Variants in GTSE1 observed in about 807,000 individuals in gnomAD.
The protein encoded by GTSE1 is G2 and S phase-expressed protein 1.
GTSE1 carries 52 observed loss-of-function variants against 60.5 expected under a neutral mutation model. The ratio of observed to expected loss-of-function variants is 0.86; its 90% CI spans 0.69 to 1.08. GTSE1 has a LOEUF of 1.08. GTSE1 is among the 50% of genes least tolerant of loss of function. The pLI is 0.00. For missense variants in GTSE1, 937 were observed against 961.8 expected, an observed-to-expected ratio of 0.97 and a Z score of 0.34; for synonymous variants, 368 against 386.5, an observed-to-expected ratio of 0.95 and a Z score of 0.56.
In GTSE1 at chr22:46,316,997, T is replaced by G. The variant is rs2077785137; in HGVS notation, c.1432+585T>G. On this transcript the variant is annotated intron_variant, in intron 7 of 11. Transcript: ENST00000454366. This position sits in a 1 kb window ranked among gnomAD's most constrained non-coding sequence, Gnocchi z 5.0. ...TGTTTTTTGAGACGGAGTCTCGCTCTGTCACCCAGGGTGGAATGCAGTGGC... is the reference window on the plus strand; with the variant it reads ...TGTTTTTTGAGACGGAGTCTCGCTCGGTCACCCAGGGTGGAATGCAGTGGC... Among the ~76,000 whole-genome samples the G allele has an allele frequency of 6.6e-6, 1 of 152,198 alleles. No individual in the cohort carries two copies. Among genetic ancestry groups the G allele is most frequent in the African/African-American group, 2.4e-5 (1 of 41,450 alleles).
chr22:46,325,684 C>T (rs2077839644), intron 8 of GTSE1, among the ~76,000 whole-genome samples: 1 of 152,246 alleles, frequency 6.6e-6, no homozygotes, highest in Non-Finnish European at 1.5e-5. Flanking sequence ...GATCCCATTC[C>T]TGAGGCTTTG....
At chr22:46,301,918 C>T (rs904970896) in intron 2 of GTSE1, among the ~76,000 whole-genome samples, 5 of 152,124 alleles carry the variant, frequency 3.3e-5, no homozygotes, top group Non-Finnish European at 7.4e-5. Flanking sequence ...CACCTGAGAT[C>T]GGGAGTTCCA....
intron 9 of GTSE1, among the ~76,000 whole-genome samples, chr22:46,327,815 T>A (rs539222958): frequency 9.2e-5 from 14 of 152,366 alleles, no homozygotes; most frequent in African/African-American, 3.1e-4. Context: ...TATGTAGTTC[T>A]ATGATAATGC....
Position 46,329,928 on chromosome 22 carries a change from A to T in GTSE1, c.2137-119A>T. Reference sequence around the variant, plus strand: ...GGTGGCCCAGAGTGCTTTTCAGTGCACCCGAGCCAGGATGAGCGAGTGGCT... The same window carrying T: ...GGTGGCCCAGAGTGCTTTTCAGTGCTCCCGAGCCAGGATGAGCGAGTGGCT... On this transcript the variant is annotated intron_variant, in intron 11 of 11. Coordinates refer to ENST00000454366, the MANE Select transcript of GTSE1 (RefSeq NM_016426.7). This position sits in a 1 kb window ranked among gnomAD's most constrained non-coding sequence, Gnocchi z 6.4. 1 of 695,884 alleles carries T rather than the reference A, an allele frequency of 1.4e-6. No individual in the cohort carries two copies. The highest frequency in any genetic ancestry group is 1.6e-5 in the South Asian group (1 of 62,506). The allele number at this position is 695,884 out of a possible 1,614,324, so 43.1% of individuals were successfully genotyped here.
In GTSE1 at chr22:46,310,313, TGAG is replaced by T. The variant is rs377066363; in HGVS notation, c.762+1374_762+1376del. On this transcript the variant is annotated intron_variant, in intron 4 of 11. Coordinates refer to ENST00000454366, the MANE Select transcript of GTSE1 (RefSeq NM_016426.7). The surrounding 1 kb of genome is among the most constrained non-coding windows in gnomAD (Gnocchi z 4.4). ...TTGAGGATGAGGATGTTGTGGAGGA[TGAG>T]GAGAAGGCTGAGGATGTGGAGAAGC... is the stretch of plus-strand genomic sequence containing the variant. Among the ~76,000 whole-genome samples the T allele has an allele frequency of 6.6e-6, 1 of 152,076 alleles. No individual in the cohort carries two copies. The highest frequency in any genetic ancestry group is 1.5e-5 in the Non-Finnish European group (1 of 68,004).
chr22:46,329,990 G>A lies in GTSE1; in HGVS notation c.2137-57G>A. On this transcript the variant is annotated intron_variant, in intron 11 of 11. Transcript: ENST00000454366. This position sits in a 1 kb window ranked among gnomAD's most constrained non-coding sequence, Gnocchi z 6.4. ...CGCAGCCAGTCCTCTGTGCAGGGAG[G>A]GGAAGGGAGGCCCTAGCCGGATCCA... 2 of 1,037,192 alleles carry A rather than the reference G, an allele frequency of 1.9e-6. No individual in the cohort carries two copies. Among genetic ancestry groups the A allele is most frequent in the Admixed American group, 1.7e-5 (1 of 58,920 alleles). The allele number at this position is 1,037,192 out of a possible 1,614,324, so 64.2% of individuals were successfully genotyped here. A position where few individuals can be genotyped will look rare whatever the true frequency, so the allele number is the denominator to read the frequency against.
rs778945390 is a variant in GTSE1 at position 46,312,302 on chromosome 22, C to T, written c.924C>T (p.Asn308=). The T allele has an allele frequency of 5.6e-6, 9 of 1,609,434 alleles. No individual in the cohort carries two copies. Among genetic ancestry groups the T allele is most frequent in the African/African-American group, 1.3e-5 (1 of 74,712 alleles). The change falls in exon 5 of 12, where the codon AAC becomes AAT. Residue 308 remains asparagine, a synonymous_variant. Transcript: ENST00000454366. ...GCAAGCGGGCGATCCCTGTTCCAAACAAGGTGAGTTGGCTGCTGGGGCCCA... is the reference window on the plus strand; with the variant it reads ...GCAAGCGGGCGATCCCTGTTCCAAATAAGGTGAGTTGGCTGCTGGGGCCCA... ...GQGKRAIPVP[N]KLGLKKTLLK... is the part of the protein sequence containing the mutation.
rs1207632094 is a variant in GTSE1 at position 46,318,669 on chromosome 22, C to A, written c.1432+2257C>A. On this transcript the variant is annotated intron_variant, in intron 7 of 11. Coordinates refer to ENST00000454366, the MANE Select transcript of GTSE1 (RefSeq NM_016426.7). This position sits in a 1 kb window ranked among gnomAD's most constrained non-coding sequence, Gnocchi z 4.8. ...GTAGGAAAGTGCAAGGGGGAGCACTCCAGGCAGAGGCAACGGCAGGAGTGC... is the reference window on the plus strand; with the variant it reads ...GTAGGAAAGTGCAAGGGGGAGCACTACAGGCAGAGGCAACGGCAGGAGTGC... Among the ~76,000 whole-genome samples the A allele has an allele frequency of 6.6e-6, 1 of 152,114 alleles. No homozygotes were observed. Among genetic ancestry groups the A allele is most frequent in the African/African-American group, 2.4e-5 (1 of 41,426 alleles).
chr22:46,313,908 C>G lies in GTSE1; in HGVS notation c.946C>G (p.Leu316Val). The change falls in exon 6 of 12, where the codon CTG becomes GTG. Residue 316 changes from leucine (L) to valine (V), a missense_variant. Leu to Val is a conservative substitution (Grantham distance 32). Coordinates refer to ENST00000454366, the MANE Select transcript of GTSE1 (RefSeq NM_016426.7). The surrounding 1 kb of genome is among the most constrained non-coding windows in gnomAD (Gnocchi z 4.4). Reference sequence around the variant, plus strand: ...GCCCCAGTTGGGGCTGAAGAAGACCCTGTTAAAAGCACCCGGCTCTACCAG... The same window carrying G: ...GCCCCAGTTGGGGCTGAAGAAGACCGTGTTAAAAGCACCCGGCTCTACCAG... ...VPNKLGLKKT[L>V]LKAPGSTSNL... 1.2e-6 allele frequency: 2 copies of G among 1,614,186 alleles called. No homozygotes were observed. Among genetic ancestry groups the G allele is most frequent in the Non-Finnish European group, 1.7e-6 (2 of 1,180,012 alleles).
chr22:46,315,455 A>G (rs753643523), intron 6 of GTSE1, among the ~76,000 whole-genome samples: 30 of 151,852 alleles, frequency 2.0e-4, no homozygotes, highest in Non-Finnish European at 3.4e-4. Context: ...TGGCCTCCCA[A>G]AGTGTTTGGA....
chr22:46,326,399 T>C, intron 8 of GTSE1, 37 bp from the exon 9 acceptor site: 2 of 1,494,924 alleles, frequency 1.3e-6, no homozygotes, highest in Non-Finnish European at 9.2e-7. Context: ...TTTTTCTATG[T>C]CATCTCAGCT....
In GTSE1 at chr22:46,316,221, C is replaced by G. The variant is rs779428436; in HGVS notation, c.1241C>G (p.Pro414Arg). 8 of 1,613,832 alleles carry G rather than the reference C, an allele frequency of 5.0e-6. No homozygotes were observed. The Admixed American group carries it at 8.3e-5, about 17-fold the overall frequency. The change falls in exon 7 of 12, where the codon CCC (proline) becomes CGC (arginine). Residue 414 changes from proline (P) to arginine (R), a missense_variant. Coordinates refer to ENST00000454366, the MANE Select transcript of GTSE1 (RefSeq NM_016426.7). This position sits in a 1 kb window ranked among gnomAD's most constrained non-coding sequence, Gnocchi z 5.0. ...ELAAEQLTAP[P>R]SASPTQPQTP... ...GCAGCGGAGCAGCTCACGGCACCCC[C>G]CTCAGCATCCCCCACCCAACCCCAG...
Position 46,313,995 on chromosome 22 carries a change from T to C in GTSE1, c.1033T>C (p.Ser345Pro). The change falls in exon 6 of 12, where the codon TCC becomes CCC. Residue 345 changes from serine to proline, a missense_variant. Ser to Pro is a moderately conservative substitution (Grantham distance 74, BLOSUM62 -1). Transcript: ENST00000454366. The surrounding 1 kb of genome is among the most constrained non-coding windows in gnomAD (Gnocchi z 4.4). ...VWSGASSACT[S>P]PAVGKAKSSE... Reference sequence around the variant, plus strand: ...GAGCGGGGCATCCAGTGCGTGCACATCCCCAGCAGTGGGCAAAGGTGAGGC... The same window carrying C: ...GAGCGGGGCATCCAGTGCGTGCACACCCCCAGCAGTGGGCAAAGGTGAGGC... 2 of 1,614,100 alleles carry C rather than the reference T, an allele frequency of 1.2e-6. No homozygotes were observed. Among genetic ancestry groups the C allele is most frequent in the South Asian group, 1.1e-5 (1 of 91,086 alleles).
rs2077792842 is a variant in GTSE1, at chr22:46,318,369, T to A, written c.1432+1957T>A. Among the ~76,000 whole-genome samples the A allele has an allele frequency of 6.6e-6, 1 of 152,162 alleles. No individual in the cohort carries two copies. Among genetic ancestry groups the A allele is most frequent in the Non-Finnish European group, 1.5e-5 (1 of 68,030 alleles). On this transcript the variant is annotated intron_variant, in intron 7 of 11. Coordinates refer to ENST00000454366, the MANE Select transcript of GTSE1 (RefSeq NM_016426.7). This position sits in a 1 kb window ranked among gnomAD's most constrained non-coding sequence, Gnocchi z 4.8. ...GTCCTGCTGTAGGAACAAGCTGTTCTGCTGAGTGTCTTCTCTGTGCTGGAA... is the reference window on the plus strand; with the variant it reads ...GTCCTGCTGTAGGAACAAGCTGTTCAGCTGAGTGTCTTCTCTGTGCTGGAA...
In GTSE1 at chr22:46,320,618, A is replaced by G. The variant is rs2077807001; in HGVS notation, c.1433-2572A>G. ...ACGGTGCCCTGTAGTGGAGGCTTTC[A>G]TATGTGCACTTTCTCAAAATACTCG... On this transcript the variant is annotated intron_variant, in intron 7 of 11. Transcript: ENST00000454366. This position sits in a 1 kb window ranked among gnomAD's most constrained non-coding sequence, Gnocchi z 7.1. Among the ~76,000 whole-genome samples, 1 of 152,238 alleles carries G rather than the reference A, an allele frequency of 6.6e-6. No individual in the cohort carries two copies. Among genetic ancestry groups the G allele is most frequent in the Non-Finnish European group, 1.5e-5 (1 of 68,042 alleles).
rs2147832270 is a variant in GTSE1, at chr22:46,324,722, G to T, written c.1505+1460G>T. 6.6e-6 allele frequency among the ~76,000 whole-genome samples: 1 copy of T among 152,252 alleles called. No individual in the cohort carries two copies. Among genetic ancestry groups the T allele is most frequent in the South Asian group, 2.1e-4 (1 of 4,822 alleles). On this transcript the variant is annotated intron_variant, in intron 8 of 11. Transcript: ENST00000454366. This position sits in a 1 kb window ranked among gnomAD's most constrained non-coding sequence, Gnocchi z 5.2. Reference sequence around the variant, plus strand: ...GGGGCTGCCAGAACTTAGCAATAAAGGGAGGAGGGTGGGGAATCCTAGAAC... The same window carrying T: ...GGGGCTGCCAGAACTTAGCAATAAATGGAGGAGGGTGGGGAATCCTAGAAC...
chr22:46,312,336 G>A (rs1446045447), intron 5 of GTSE1, 31 bp downstream of exon 5: 12 of 1,589,674 alleles, frequency 7.5e-6, no homozygotes, highest in Non-Finnish European at 1.0e-5. Context: ...CAAACTTGTG[G>A]TTGCTGGGAA....
At position 46,308,467 on chromosome 22, in the gene GTSE1, G is replaced by A; in HGVS notation, c.286G>A (p.Glu96Lys). 1 of 1,614,216 alleles carries A rather than the reference G, an allele frequency of 6.2e-7. No homozygotes were observed. ...SPFAWSPLAG[E>K]KFVEVYKEAH... ...CTTTGCCTGGAGCCCTCTGGCCGGG[G>A]AGAAGTTCGTGGAGGTGTACAAAGA... The change falls in exon 4 of 12, where the codon GAG becomes AAG. Residue 96 changes from glutamate to lysine, a missense_variant. Physicochemically the swap from Glu to Lys is moderately conservative, Grantham distance 56. Coordinates refer to ENST00000454366, the MANE Select transcript of GTSE1 (RefSeq NM_016426.7).
In GTSE1 at chr22:46,297,843, G is replaced by C. The variant is rs2077666209; in HGVS notation, c.79+364G>C. ...TCTTTGAGACCATGTTAATGAGTAA[G>C]CCTGGCCCCAAACCCCTTTCTTCTT... On this transcript the variant is annotated intron_variant, in intron 2 of 11. Coordinates refer to ENST00000454366, the MANE Select transcript of GTSE1 (RefSeq NM_016426.7). This position sits in a 1 kb window ranked among gnomAD's most constrained non-coding sequence, Gnocchi z 4.9. Among the ~76,000 whole-genome samples the C allele has an allele frequency of 6.6e-6, 1 of 152,182 alleles. No individual in the cohort carries two copies.
Sources: gnomAD v4.1 joint callset for allele counts (sites outside exome capture counted in the v4.1 genomes callset) on GRCh38, gnomAD v4.1.1 for gene constraint, Gnocchi (gnomAD v3.1) non-coding constraint, MANE v1.5 for transcripts, NCBI Gene and HGNC (gene_info 2026-07-23, HGNC 2026-07-21) for gene names.